Variants in PCDHA8 observed in about 807,000 individuals in gnomAD.
PCDHA8 encodes the protein protocadherin alpha 8, also known as protocadherin alpha-8.
A neutral mutation model predicts 61.8 loss-of-function variants in PCDHA8; 53 were observed. The ratio of observed to expected loss-of-function variants is 0.86; its 90% CI spans 0.69 to 1.08. The LOEUF (loss-of-function observed/expected upper bound fraction) is 1.08, where lower values mean the gene tolerates loss of function less well. Ranked by LOEUF, PCDHA8 falls within the 50% of genes least tolerant of loss-of-function variation. PCDHA8 has a pLI of 0.00. For missense variants in PCDHA8, 1,293 were observed against 1,245.0 expected, an observed-to-expected ratio of 1.04 and a Z score of -0.58; for synonymous variants, 618 against 556.6, an observed-to-expected ratio of 1.11 and a Z score of -1.55.
intron 3 of PCDHA8, among the ~76,000 whole-genome samples, chr5:141,004,044 T>G (rs2098148933): frequency 6.6e-6 from 1 of 152,234 alleles, no homozygotes; most frequent in African/African-American, 2.4e-5. Context: ...ATTGATCATT[T>G]GCTGATACTG....
chr5:140,930,494 A>T (rs1238249815), intron 1 of PCDHA8: 3 of 152,500 alleles, frequency 2.0e-5, no homozygotes, highest in Admixed American at 6.6e-5. Flanking sequence ...AAGTGCTGGG[A>T]TTACAGGCAT....
intron 1 of PCDHA8, among the ~76,000 whole-genome samples, chr5:140,892,451 C>A (rs782296222): frequency 1.2e-4 from 19 of 152,128 alleles, no homozygotes; most frequent in Non-Finnish European, 2.5e-4. Flanking sequence ...TACATGTATT[C>A]TTTAAGTACG....
At chr5:140,981,049 T>C (rs2096916420) in intron 2 of PCDHA8, among the ~76,000 whole-genome samples, 1 of 152,158 alleles carries the variant, frequency 6.6e-6, no homozygotes. Context: ...AAACAGATAA[T>C]TCTAGAGTGT....
At chr5:140,894,656 C>T (rs2064591261) in intron 1 of PCDHA8, among the ~76,000 whole-genome samples, 2 of 151,616 alleles carry the variant, frequency 1.3e-5, no homozygotes, top group Non-Finnish European at 2.9e-5. Flanking sequence ...CTCTCTAATT[C>T]TGATTTGTGT....
At chr5:140,893,881 C>T (rs1385683702) in intron 1 of PCDHA8, among the ~76,000 whole-genome samples, 1 of 152,066 alleles carries the variant, frequency 6.6e-6, no homozygotes, top group Non-Finnish European at 1.5e-5. Flanking sequence ...TCCAAAGTGG[C>T]CAGAAAGTTA....
At chr5:141,005,479 G>A (rs371636060) in intron 3 of PCDHA8, among the ~76,000 whole-genome samples, 43 of 151,818 alleles carry the variant, frequency 2.8e-4, no homozygotes, top group Non-Finnish European at 2.6e-4. Context: ...CGAGACGGGC[G>A]GATCATGAGG....
chr5:140,941,243 CTT>C (rs782176516), intron 1 of PCDHA8, among the ~76,000 whole-genome samples: 1 of 131,826 alleles, frequency 7.6e-6, no homozygotes, highest in Non-Finnish European at 1.6e-5. Flanking sequence ...TTCTTTCTTT[CTT>C]TCTTTCTTTC....
At chr5:140,900,489 C>G (rs1429058590) in intron 1 of PCDHA8, among the ~76,000 whole-genome samples, 8 of 152,196 alleles carry the variant, frequency 5.3e-5, no homozygotes, top group African/African-American at 1.7e-4. Context: ...GTTGGTCAGA[C>G]TGGTCTCAAA....
intron 1 of PCDHA8, chr5:140,847,797 C>A (rs192930610): frequency 1.3e-5 from 2 of 149,780 alleles, no homozygotes; most frequent in African/African-American, 2.4e-5. Flanking sequence ...ATATTTTATA[C>A]CTTTTCAATT....
In PCDHA8 at chr5:140,941,217, T is replaced by TTC. The variant is rs1483555953; in HGVS notation, c.2395-37730_2395-37729dup. Among the ~76,000 whole-genome samples, 308 of 126,180 alleles carry TTC rather than the reference T, an allele frequency of 2.4e-3. 1 individual carries two copies. Among genetic ancestry groups the TTC allele is most frequent in the African/African-American group, 9.4e-3 (294 of 31,220 alleles). The allele number at this position is 126,180 out of a possible 152,430, so 82.8% of individuals were successfully genotyped here. On this transcript the variant is annotated intron_variant, in intron 1 of 3. Coordinates refer to ENST00000531613, the MANE Select transcript of PCDHA8 (RefSeq NM_018911.3). ...TTTCTTTCTTCCTTTCTTTCTTCCT[T>TTC]TCTTTCTTTCTTTCTTTCTTTCTTT...
rs894945353 is a variant in PCDHA8 at position 140,936,140 on chromosome 5, G to A, written c.2395-42809G>A. ...ACTCCTGACCTTAAGTGATCTGCCC[G>A]CCTTGGCCTCCTAAAGTGCTGGGAT... is the stretch of plus-strand genomic sequence containing the variant. On this transcript the variant is annotated intron_variant, in intron 1 of 3. Coordinates refer to ENST00000531613, the MANE Select transcript of PCDHA8 (RefSeq NM_018911.3). 7.2e-5 allele frequency among the ~76,000 whole-genome samples: 11 copies of A among 152,050 alleles called. 1 individual carries two copies. The highest frequency in any genetic ancestry group is 6.6e-4 in the Admixed American group (10 of 15,256).
chr5:141,006,404 G>A (rs1001810745), intron 3 of PCDHA8, among the ~76,000 whole-genome samples: 2 of 151,938 alleles, frequency 1.3e-5, no homozygotes, highest in East Asian at 1.9e-4. Flanking sequence ...TAGTAGAGAC[G>A]CGGTTTCACT....
At chr5:140,927,295 G>T (rs1343982131) in intron 1 of PCDHA8, 2 of 1,614,032 alleles carry the variant, frequency 1.2e-6, no homozygotes, top group African/African-American at 2.7e-5. Context: ...GCACATCCCC[G>T]AGTTCCTGAC....
At position 140,843,068 on chromosome 5, in the gene PCDHA8, C is replaced by T. The variant is rs1345239073; in HGVS notation, c.1747C>T (p.Arg583Trp). 2 of 1,595,216 alleles carry T rather than the reference C, an allele frequency of 1.3e-6. No homozygotes were observed. The highest frequency in any genetic ancestry group is 2.2e-5 in the East Asian group (1 of 44,804). ...TGGCGCAGCGAGCAAGCTGGTGCCG[C>T]GGTCTGTGGGCGCGGGCCACGTGGT... Reference protein sequence around the residue: ...TGGAASKLVPRSVGAGHVVAK... With the variant: ...TGGAASKLVPWSVGAGHVVAK... The change falls in exon 1 of 4, where the codon CGG (arginine) becomes TGG (tryptophan). Residue 583 changes from arginine (R) to tryptophan (W), a missense_variant. Coordinates refer to ENST00000531613, the MANE Select transcript of PCDHA8 (RefSeq NM_018911.3).
Position 140,843,145 on chromosome 5 carries a change from G to C in PCDHA8, c.1824G>C (p.Ser608=). Residue 608 remains serine, a synonymous_variant, in exon 1 of 4, where the codon TCG becomes TCC. Transcript: ENST00000531613. ...DADSGYNAWL[S]YELQPAASSP... ...ACTCGGGCTACAACGCGTGGCTTTCGTATGAGCTGCAGCCAGCTGCAAGCA... is the reference window on the plus strand; with the variant it reads ...ACTCGGGCTACAACGCGTGGCTTTCCTATGAGCTGCAGCCAGCTGCAAGCA... 6.3e-7 allele frequency: 1 copy of C among 1,596,072 alleles called. No individual in the cohort carries two copies. Among genetic ancestry groups the C allele is most frequent in the South Asian group, 1.1e-5 (1 of 90,506 alleles).
intron 1 of PCDHA8, among the ~76,000 whole-genome samples, chr5:140,846,420 G>A (rs1780468336): frequency 7.9e-6 from 1 of 125,998 alleles, no homozygotes; most frequent in African/African-American, 3.0e-5. Context: ...TATCTCCCAG[G>A]CTGGAATGCA....
chr5:140,871,074 G>T (rs1210767724), intron 1 of PCDHA8: 10 of 1,613,214 alleles, frequency 6.2e-6, no homozygotes, highest in Middle Eastern at 3.3e-4. Context: ...GTGAGCCGGC[G>T]CTGACGGCCA....
Position 140,842,265 on chromosome 5 carries a change from T to C in PCDHA8, c.944T>C (p.Leu315Ser). The C allele has an allele frequency of 6.2e-7, 1 of 1,610,902 alleles. No homozygotes were observed. The change falls in exon 1 of 4, where the codon TTA (leucine) becomes TCA (serine). Residue 315 changes from leucine (L) to serine (S), a missense_variant. Coordinates refer to ENST00000531613, the MANE Select transcript of PCDHA8 (RefSeq NM_018911.3). ...RGNLDFEQEN[L>S]YKILIDATDK... is the part of the protein sequence containing the mutation. ...AATTTGGATTTTGAACAAGAAAACT[T>C]ATACAAAATCCTCATTGACGCCACG...
chr5:140,843,487 G>C lies in PCDHA8; in HGVS notation c.2166G>C (p.Arg722=). Residue 722 remains arginine (R), a synonymous_variant, in exon 1 of 4, where the codon CGG becomes CGC. Transcript: ENST00000531613. ...VLTLLLYTAL[R]CSALPTEGGC... ...CGCTGCTGCTGTACACTGCGCTGCG[G>C]TGCTCAGCACTGCCCACTGAGGGCG... is the stretch of plus-strand genomic sequence containing the variant. 6.3e-7 allele frequency: 1 copy of C among 1,596,050 alleles called. No individual in the cohort carries two copies. Among genetic ancestry groups the C allele is most frequent in the Non-Finnish European group, 8.6e-7 (1 of 1,165,616 alleles).
Sources: allele counts gnomAD v4.1 joint callset (sites outside exome capture counted in the v4.1 genomes callset), GRCh38; gene constraint gnomAD v4.1.1; transcripts MANE v1.5; gene names NCBI Gene and HGNC (gene_info 2026-07-23, HGNC 2026-07-21).